The following GALNT13 variants were observed in gnomAD, a reference collection of about 807,000 sequenced individuals.
GALNT13 encodes UDP-GalNAc:polypeptide N-acetylgalactosaminyltransferase 13.
Under a neutral mutation model 64.2 loss-of-function variants are expected in GALNT13, and 28 were observed. The observed-to-expected ratio is 0.44, with a 90% CI of 0.32 to 0.60. The LOEUF is 0.60. Among genes scored for constraint, GALNT13 ranks in the 20% least tolerant of loss-of-function variants. The pLI is 0.05. For missense variants in GALNT13, 577 were observed against 669.8 expected (o/e 0.86, Z 1.53); for synonymous variants, 214 against 224.6 (o/e 0.95, Z 0.42).
chr2:153,085,391 C>G, the GALNT13 span, among the ~76,000 whole-genome samples: 4 of 152,134 alleles, frequency 2.6e-5, no homozygotes, highest in African/African-American at 9.7e-5. Context: ...TATGGCAGTT[C>G]CTTCCATCAC....
the GALNT13 span, among the ~76,000 whole-genome samples, chr2:153,318,547 A>T: frequency 1.3e-5 from 2 of 152,210 alleles, no homozygotes; most frequent in Admixed American, 1.3e-4. Context: ...TTGATTACAG[A>T]TGCAGCATAG....
At chr2:153,497,522 A>ATT in the GALNT13 span, among the ~76,000 whole-genome samples, 1,902 of 36,748 alleles carry the variant, frequency 0.052, 617 homozygotes, top group Non-Finnish European at 0.064. Flanking sequence ...TTTCTCCCGC[A>ATT]TTTTTTTTTT....
chr2:154,002,317 G>T (rs1045523731), intron 3 of GALNT13, among the ~76,000 whole-genome samples: 32 of 151,650 alleles, frequency 2.1e-4, no homozygotes, highest in Middle Eastern at 3.2e-3. Flanking sequence ...CCTTTATGGT[G>T]TTTCATAATG....
the GALNT13 span, among the ~76,000 whole-genome samples, chr2:153,120,288 C>A: frequency 6.6e-6 from 1 of 152,158 alleles, no homozygotes; most frequent in Admixed American, 6.5e-5. Context: ...AGATTCTTTT[C>A]AGTATGAAGG....
the GALNT13 span, among the ~76,000 whole-genome samples, chr2:153,614,217 T>C: frequency 6.6e-6 from 1 of 151,986 alleles, no homozygotes; most frequent in Non-Finnish European, 1.5e-5. Context: ...ACATTAATAA[T>C]AATAATCTCA....
chr2:153,873,501 C>T lies in GALNT13; in HGVS notation c.-177+1198C>T, dbSNP rs551096572. 3.9e-5 allele frequency among the ~76,000 whole-genome samples: 6 copies of T among 152,310 alleles called. No homozygotes were observed. The South Asian group carries it at 1.2e-3, about 32-fold the overall frequency. ...GAAGAACGGACAGTGAGCAGGCAAA[C>T]ATAGATGCTTTGGGGTTCAGGGAAA... On this transcript the variant is annotated intron_variant, in intron 1 of 12. Coordinates refer to ENST00000392825, the MANE Select transcript of GALNT13 (RefSeq NM_052917.4).
the GALNT13 span, among the ~76,000 whole-genome samples, chr2:153,845,523 A>G: frequency 1.3e-5 from 2 of 152,200 alleles, no homozygotes; most frequent in Non-Finnish European, 2.9e-5. Context: ...TTCATGAGGG[A>G]TCTGTCCCCA....
the GALNT13 span, among the ~76,000 whole-genome samples, chr2:153,734,410 A>T: frequency 6.6e-6 from 1 of 152,120 alleles, no homozygotes; most frequent in African/African-American, 2.4e-5. Flanking sequence ...CAGATCTGAT[A>T]AGTCTAATCT....
chr2:154,147,882 TC>T, intron 4 of GALNT13, among the ~76,000 whole-genome samples: 1 of 151,882 alleles, frequency 6.6e-6, no homozygotes, highest in Non-Finnish European at 1.5e-5. Context: ...TATATTTCTT[TC>T]TTTTTTTTTT....
intron 9 of GALNT13, among the ~76,000 whole-genome samples, chr2:154,373,797 G>C (rs182600307): frequency 6.6e-6 from 1 of 152,170 alleles, no homozygotes; most frequent in Admixed American, 6.5e-5. Context: ...CACTTAACAG[G>C]TGTGGCAGGA....
intron 3 of GALNT13, among the ~76,000 whole-genome samples, chr2:153,947,193 T>TA (rs958685491): frequency 1.3e-5 from 2 of 152,100 alleles, no homozygotes; most frequent in African/African-American, 4.8e-5. Flanking sequence ...ATTAAGTTCT[T>TA]ACTCTATGCA....
chr2:154,029,299 G>T (rs1046970661), intron 3 of GALNT13, among the ~76,000 whole-genome samples: 1 of 151,628 alleles, frequency 6.6e-6, no homozygotes, highest in Non-Finnish European at 1.5e-5. Context: ...TCATCACCTG[G>T]ATCCTTCTCC....
the GALNT13 span, among the ~76,000 whole-genome samples, chr2:153,550,974 T>C: frequency 6.6e-6 from 1 of 152,078 alleles, no homozygotes. Context: ...GGAGAAAAAT[T>C]AAGCTGAGGG....
chr2:153,288,521 C>T, the GALNT13 span, among the ~76,000 whole-genome samples: 4 of 152,192 alleles, frequency 2.6e-5, no homozygotes, highest in East Asian at 7.7e-4. Flanking sequence ...TGAATCAACC[C>T]TTTGCTGAGC....
chr2:153,879,978 A>G (rs1262350152), intron 1 of GALNT13, among the ~76,000 whole-genome samples: 1 of 152,194 alleles, frequency 6.6e-6, no homozygotes, highest in African/African-American at 2.4e-5. Context: ...AATGTTGCAG[A>G]CAAGAATATT....
intron 2 of GALNT13, among the ~76,000 whole-genome samples, chr2:153,939,727 A>G (rs1343404743): frequency 2.6e-5 from 4 of 152,196 alleles, no homozygotes; most frequent in African/African-American, 9.6e-5. Context: ...TTCTGATGAT[A>G]ACAATATGTG....
At chr2:154,058,479 G>T (rs2105361669) in intron 3 of GALNT13, among the ~76,000 whole-genome samples, 1 of 152,346 alleles carries the variant, frequency 6.6e-6, no homozygotes, top group Non-Finnish European at 1.5e-5. Flanking sequence ...TGGAACACAG[G>T]AAAAGTGGGA....
chr2:153,444,325 T>C, the GALNT13 span, among the ~76,000 whole-genome samples: 1 of 152,172 alleles, frequency 6.6e-6, no homozygotes, highest in Non-Finnish European at 1.5e-5. Flanking sequence ...GAACAAAACA[T>C]ATAGTATGTA....
the GALNT13 span, among the ~76,000 whole-genome samples, chr2:153,635,464 A>G: frequency 1.3e-5 from 2 of 149,516 alleles, no homozygotes; most frequent in African/African-American, 2.4e-5. Flanking sequence ...GTATATGTGT[A>G]TACGTTTGTT....
Sources: gnomAD v4.1 joint callset for allele counts (sites outside exome capture counted in the v4.1 genomes callset) on GRCh38, gnomAD v4.1.1 for gene constraint, MANE v1.5 for transcripts, NCBI Gene and HGNC (gene_info 2026-07-23, HGNC 2026-07-21) for gene names.